ITPR1: variants seen among roughly 807,000 people sequenced by gnomAD.
ITPR1 encodes the protein inositol 1,4,5-trisphosphate receptor type 1.
Under a neutral mutation model 318.4 loss-of-function variants are expected in ITPR1, and 96 were observed. The ratio of observed to expected loss-of-function variants is 0.30; its 90% CI spans 0.26 to 0.36. The LOEUF is 0.36. Ranked by LOEUF, ITPR1 falls within the 10% of genes least tolerant of loss-of-function variation. The pLI is 1.00. For synonymous variants in ITPR1, 1,312 were observed against 1,289.9 expected, an observed-to-expected ratio of 1.02 and a Z score of -0.37; for missense variants, 2,440 against 3,460.2, an observed-to-expected ratio of 0.71 and a Z score of 7.40.
In ITPR1 at chr3:4,658,195, C is replaced by T; in HGVS notation, c.1068C>T (p.Val356=). The T allele has an allele frequency of 6.2e-7, 1 of 1,613,570 alleles. No homozygotes were observed. The highest frequency in any genetic ancestry group is 1.6e-4 in the Middle Eastern group (1 of 6,062). The change falls in exon 13 of 62, where the codon GTC becomes GTT. Residue 356 remains valine, a synonymous_variant. Coordinates refer to ENST00000649015, the MANE Select transcript of ITPR1 (RefSeq NM_001378452.1). ...NAQEKMVYSL[V]SVPEGNDISS... ...AAGAAAAGATGGTATACTCCCTGGT[C>T]TCTGTGCCTGAAGGCAATGACATCT... is the stretch of plus-strand genomic sequence containing the variant.
At chr3:4,839,754 G>T (rs1020240545) in intron 61 of ITPR1, among the ~76,000 whole-genome samples, 2 of 152,106 alleles carry the variant, frequency 1.3e-5, no homozygotes, top group African/African-American at 2.4e-5. Context: ...GATTACATAT[G>T]GACTAAGGTT....
chr3:4,808,964 A>T (rs982872745), intron 55 of ITPR1, among the ~76,000 whole-genome samples: 3 of 152,276 alleles, frequency 2.0e-5, no homozygotes, highest in Admixed American at 6.5e-5. Context: ...CAAAGTTCAT[A>T]AGCAGGCAGT....
chr3:4,824,394 G>T (rs1433989946), intron 60 of ITPR1, among the ~76,000 whole-genome samples: 2 of 152,170 alleles, frequency 1.3e-5, no homozygotes, highest in Non-Finnish European at 2.9e-5. Context: ...ACTTTTGCAG[G>T]GTCGCGGCGC....
chr3:4,568,434 T>C (rs1346976578), intron 4 of ITPR1, among the ~76,000 whole-genome samples: 1 of 152,212 alleles, frequency 6.6e-6, no homozygotes, highest in Non-Finnish European at 1.5e-5. Context: ...GCATTATTTC[T>C]TCCCTGGAGC....
intron 4 of ITPR1, among the ~76,000 whole-genome samples, chr3:4,608,131 A>G (rs2091832695): frequency 6.6e-6 from 1 of 152,176 alleles, no homozygotes. Context: ...GCCAGATCAG[A>G]TCCTCCCCAC....
At chr3:4,652,250 A>T in intron 11 of ITPR1, 32 bp downstream of exon 11, 14 of 1,510,234 alleles carry the variant, frequency 9.3e-6, no homozygotes, top group Non-Finnish European at 1.3e-5. Context: ...TTTCTCTTTC[A>T]AGGCTGACGC....
chr3:4,603,835 T>A (rs1282093580), intron 4 of ITPR1, among the ~76,000 whole-genome samples: 1 of 152,212 alleles, frequency 6.6e-6, no homozygotes, highest in African/African-American at 2.4e-5. Flanking sequence ...GTAGAACGAT[T>A]TGTTTTCCTT....
intron 2 of ITPR1, among the ~76,000 whole-genome samples, chr3:4,512,566 C>T (rs1005353384): frequency 1.3e-5 from 2 of 152,080 alleles, no homozygotes; most frequent in Admixed American, 1.3e-4. Flanking sequence ...TATAGGAGTT[C>T]ATTTGTTATG....
intron 4 of ITPR1, among the ~76,000 whole-genome samples, chr3:4,572,348 C>T (rs1006370980): frequency 3.3e-5 from 5 of 152,114 alleles, no homozygotes; most frequent in Non-Finnish European, 5.9e-5. Flanking sequence ...TTCAGTTTTC[C>T]AGTTATTTAA....
chr3:4,749,581 T>C (rs1212537842), intron 44 of ITPR1: 1 of 152,238 alleles, frequency 6.6e-6, no homozygotes, highest in East Asian at 1.9e-4. Context: ...GACATTTGCA[T>C]TGGAAACTTC....
chr3:4,721,179 T>TATATATATATATAC (rs944214097), intron 40 of ITPR1, among the ~76,000 whole-genome samples: 1 of 9,916 alleles, frequency 1.0e-4, no homozygotes, highest in African/African-American at 1.5e-4. Flanking sequence ...CGTGTATATA[T>TATATATATATATAC]ATATATATAT....
At chr3:4,701,790 C>T (rs1285770348) in intron 35 of ITPR1, among the ~76,000 whole-genome samples, 1 of 152,168 alleles carries the variant, frequency 6.6e-6, no homozygotes, top group Non-Finnish European at 1.5e-5. Flanking sequence ...AAATGTCTCA[C>T]ACATAGCATG....
intron 4 of ITPR1, among the ~76,000 whole-genome samples, chr3:4,553,758 G>C (rs1343323862): frequency 6.6e-6 from 1 of 152,012 alleles, no homozygotes; most frequent in Non-Finnish European, 1.5e-5. Context: ...CCACCACCAC[G>C]CCTGGCTAAT....
chr3:4,512,214 C>T (rs1189097490), intron 2 of ITPR1, among the ~76,000 whole-genome samples: 2 of 152,146 alleles, frequency 1.3e-5, no homozygotes, highest in Non-Finnish European at 2.9e-5. Context: ...AGCCATCCTC[C>T]CACCTTGGCT....
intron 44 of ITPR1, among the ~76,000 whole-genome samples, chr3:4,743,087 C>T (rs1005828723): frequency 6.6e-6 from 1 of 152,238 alleles, no homozygotes; most frequent in African/African-American, 2.4e-5. Flanking sequence ...AGAAAAACAG[C>T]AATCTAGTCA....
intron 4 of ITPR1, among the ~76,000 whole-genome samples, chr3:4,533,230 A>G (rs2083563730): frequency 2.0e-5 from 3 of 152,258 alleles, no homozygotes; most frequent in Admixed American, 2.0e-4. Context: ...ACAAATAGAA[A>G]AAAACAATAG....
intron 44 of ITPR1, among the ~76,000 whole-genome samples, chr3:4,740,286 A>G (rs1227723732): frequency 1.3e-5 from 2 of 152,312 alleles, no homozygotes; most frequent in African/African-American, 4.8e-5. Flanking sequence ...TTGTCTCTGC[A>G]GTTGAGGAGT....
chr3:4,835,363 G>A (rs1028529289), intron 60 of ITPR1, among the ~76,000 whole-genome samples: 3 of 152,272 alleles, frequency 2.0e-5, no homozygotes, highest in Admixed American at 6.5e-5. Context: ...AACCCAGCCT[G>A]CTGCCCGCAT....
chr3:4,627,903 A>T, intron 5 of ITPR1, 25 bp downstream of exon 5: 1 of 1,473,524 alleles, frequency 6.8e-7, no homozygotes, highest in Non-Finnish European at 9.5e-7. Context: ...GGGGCTGTCG[A>T]TGGGGCAGTA....
Sources: allele counts gnomAD v4.1 joint callset (sites outside exome capture counted in the v4.1 genomes callset), GRCh38; gene constraint gnomAD v4.1.1; transcripts MANE v1.5; gene names NCBI Gene and HGNC (gene_info 2026-07-23, HGNC 2026-07-21).